Variants in FKTN observed in about 807,000 individuals in gnomAD.
The protein encoded by FKTN is ribitol-5-phosphate transferase FKTN.
FKTN carries 47 observed loss-of-function variants against 58.6 expected under a neutral mutation model. The ratio of observed to expected loss-of-function variants is 0.80; its 90% confidence interval spans 0.63 to 1.02. The LOEUF (loss-of-function observed/expected upper bound fraction) is 1.02, where lower values mean the gene tolerates loss of function less well. FKTN is among the 50% of genes least tolerant of loss of function. FKTN has a pLI of 0.00. For missense variants in FKTN, 516 were observed against 537.3 expected, an observed-to-expected ratio of 0.96 and a Z score of 0.39; for synonymous variants, 178 against 191.9, an observed-to-expected ratio of 0.93 and a Z score of 0.60.
At chr9:105,578,379 AG>A (rs1350151979) in intron 3 of FKTN, among the ~76,000 whole-genome samples, 3 of 140,200 alleles carry the variant, frequency 2.1e-5, no homozygotes, top group African/African-American at 5.4e-5. Context: ...TTTAGCATGA[AG>A]GGTTGTTGAA....
At chr9:105,631,061 A>G (rs552184318) in intron 10 of FKTN, among the ~76,000 whole-genome samples, 8 of 152,250 alleles carry the variant, frequency 5.3e-5, no homozygotes, top group African/African-American at 1.9e-4. Flanking sequence ...TGAACCCGAG[A>G]GGTGGAGGTT....
chr9:105,592,229 G>T (rs1386916610), intron 3 of FKTN, among the ~76,000 whole-genome samples: 1 of 152,168 alleles, frequency 6.6e-6, no homozygotes, highest in Admixed American at 6.5e-5. Context: ...TTCCAAACAT[G>T]TATGCCCTGC....
rs2133098060 is a variant in FKTN, at chr9:105,615,268, A to C, written c.781-10A>C. On this transcript the variant is annotated splice_polypyrimidine_tract_variant and intron_variant, in intron 7 of 10. Transcript: ENST00000357998. ...TGGCTGTAATAGCTGACTATTTATTATATCTGTAGCAGTACCTTGATGATA... is the reference window on the plus strand; with the variant it reads ...TGGCTGTAATAGCTGACTATTTATTCTATCTGTAGCAGTACCTTGATGATA... The C allele has an allele frequency of 6.2e-7, 1 of 1,613,564 alleles. No homozygotes were observed. Among genetic ancestry groups the C allele is most frequent in the Non-Finnish European group, 8.5e-7 (1 of 1,179,480 alleles).
At chr9:105,622,582 A>G (rs1832154231) in intron 10 of FKTN, among the ~76,000 whole-genome samples, 1 of 152,000 alleles carries the variant, frequency 6.6e-6, no homozygotes, top group African/African-American at 2.4e-5. Flanking sequence ...ACCTCCAGTT[A>G]GACATTAGGA....
chr9:105,635,749 A>G lies in FKTN; in HGVS notation c.*485A>G. 9.9e-7 allele frequency: 1 copy of G among 1,013,326 alleles called. No homozygotes were observed. The highest frequency in any genetic ancestry group is 1.7e-5 in the African/African-American group (1 of 57,858). 62.8% of individuals were successfully genotyped at this position (1,013,326 alleles called of 1,614,324 possible). On this transcript the variant is annotated 3_prime_UTR_variant, in exon 11 of 11. Transcript: ENST00000357998. ...GATTGTGGAGTCTGAGTTAATATTC[A>G]AGTGATCAGACTTTGAGTGACATCA...
chr9:105,590,429 C>T (rs987635348), intron 3 of FKTN, among the ~76,000 whole-genome samples: 15 of 152,046 alleles, frequency 9.9e-5, no homozygotes, highest in African/African-American at 3.4e-4. Flanking sequence ...TTATCAGCAA[C>T]GTGAAAATGG....
At chr9:105,568,916 T>C (rs1840212709) in intron 1 of FKTN, among the ~76,000 whole-genome samples, 1 of 152,124 alleles carries the variant, frequency 6.6e-6, no homozygotes, top group African/African-American at 2.4e-5. Flanking sequence ...TAGACCGGAT[T>C]AAGAAAATGT....
rs1458298339 is a variant in FKTN at position 105,635,894 on chromosome 9, A to G, written c.*630A>G. On this transcript the variant is annotated 3_prime_UTR_variant, in exon 11 of 11. Coordinates refer to ENST00000357998, the MANE Select transcript of FKTN (RefSeq NM_001079802.2). ...TTTGTATCAGAGCTTATTACTTGTC[A>G]GGATAAGTAAATTTCTGTACATGTA... 2 of 988,856 alleles carry G rather than the reference A, an allele frequency of 2.0e-6. No individual in the cohort carries two copies. The highest frequency in any genetic ancestry group is 2.2e-4 in the East Asian group (2 of 8,956). 61.3% of individuals were successfully genotyped at this position (988,856 alleles called of 1,614,324 possible).
At chr9:105,609,426 C>A (rs924551798) in intron 7 of FKTN, among the ~76,000 whole-genome samples, 1 of 151,988 alleles carries the variant, frequency 6.6e-6, no homozygotes, top group African/African-American at 2.4e-5. Flanking sequence ...TAGGAACATT[C>A]TCTACATGTC....
chr9:105,607,702 G>A, intron 6 of FKTN, 117 bp from the exon 7 acceptor site: 1 of 850,246 alleles, frequency 1.2e-6, no homozygotes, highest in Non-Finnish European at 2.0e-6. Flanking sequence ...GTAGTTTGCT[G>A]CACCTATCAA....
chr9:105,588,140 T>C (rs1844234699), intron 3 of FKTN, among the ~76,000 whole-genome samples: 1 of 152,230 alleles, frequency 6.6e-6, no homozygotes. Flanking sequence ...GGATACTGCA[T>C]TTCAAAAATG....
chr9:105,610,377 T>C (rs1254299588), intron 7 of FKTN, among the ~76,000 whole-genome samples: 1 of 152,044 alleles, frequency 6.6e-6, no homozygotes, highest in African/African-American at 2.4e-5. Context: ...TGAATTCACA[T>C]TGACATCTCC....
In FKTN at chr9:105,561,091, CAA is replaced by C. The variant is rs533709834; in HGVS notation, c.-181+2936_-181+2937del. On this transcript the variant is annotated intron_variant, in intron 1 of 10. Transcript: ENST00000357998. Reference sequence around the variant, plus strand: ...CAGAGCAAGAATCCGTCTCAAAAAACAAAAAAAAAAACAAAACAAAAAACAAA... The same window carrying C: ...CAGAGCAAGAATCCGTCTCAAAAAACAAAAAAAAACAAAACAAAAAACAAA... Among the ~76,000 whole-genome samples, 1,357 of 136,674 alleles carry C rather than the reference CAA, an allele frequency of 9.9e-3. 20 individuals carry two copies. Among genetic ancestry groups the C allele is most frequent in the African/African-American group, 0.034 (1,298 of 38,048 alleles). The allele number at this position is 136,674 out of a possible 152,430, so 89.7% of individuals were successfully genotyped here.
chr9:105,561,103 CAAAACAA>C (rs1838222870), intron 1 of FKTN, among the ~76,000 whole-genome samples: 1 of 149,578 alleles, frequency 6.7e-6, no homozygotes, highest in Non-Finnish European at 1.5e-5. Flanking sequence ...AAAAAAAAAA[CAAAACAA>C]AAAACAAACT....
chr9:105,584,998 A>T (rs1232702052), intron 3 of FKTN, among the ~76,000 whole-genome samples: 6 of 152,182 alleles, frequency 3.9e-5, no homozygotes, highest in African/African-American at 1.2e-4. Flanking sequence ...CTTCCTGCCC[A>T]ATATTTATAA....
In FKTN at chr9:105,607,953, T is replaced by C. The variant is rs1588136441; in HGVS notation, c.780+2T>C. 1 of 1,610,426 alleles carries C rather than the reference T, an allele frequency of 6.2e-7. No homozygotes were observed. On this transcript the variant is annotated splice_donor_variant, in intron 7 of 10. Transcript: ENST00000357998. LOFTEE classifies it high-confidence loss of function. ...AAAGAAGCTCGAGCATTCTTTCAGG[T>C]TAGAGACAACCAAATGTGTACTTTT...
At chr9:105,566,880 G>A (rs548928286) in intron 1 of FKTN, among the ~76,000 whole-genome samples, 3 of 152,196 alleles carry the variant, frequency 2.0e-5, no homozygotes, top group East Asian at 3.9e-4. Context: ...GATGAACATC[G>A]ATGCAAAAAT....
chr9:105,575,038 T>G lies in FKTN; in HGVS notation c.6T>G (p.Ser2Arg), dbSNP rs1350049256. 3 of 1,578,358 alleles carry G rather than the reference T, an allele frequency of 1.9e-6. No homozygotes were observed. The African/African-American group carries it at 4.0e-5, about 21-fold the overall frequency. M[S>R]RINKNVVLAL... is the part of the protein sequence containing the mutation. ...CAAGTGAGCAGCACAGACTAATGAGTAGAATCAATAAGAACGTGGTTTTGG... is the reference window on the plus strand; with the variant it reads ...CAAGTGAGCAGCACAGACTAATGAGGAGAATCAATAAGAACGTGGTTTTGG... Residue 2 changes from serine (S) to arginine (R), a missense_variant, in exon 3 of 11, where the codon AGT becomes AGG. Physicochemically the swap from Ser to Arg is moderately radical, Grantham distance 110 (BLOSUM62 -1). Transcript: ENST00000357998.
At chr9:105,626,978 A>C (rs914755419) in intron 10 of FKTN, among the ~76,000 whole-genome samples, 84 of 113,040 alleles carry the variant, frequency 7.4e-4, no homozygotes, top group Non-Finnish European at 1.1e-3. Flanking sequence ...TTTCTTCTTT[A>C]TTCTTTTTTT....
Sources: gnomAD v4.1 joint callset for allele counts (sites outside exome capture counted in the v4.1 genomes callset) on GRCh38, gnomAD v4.1.1 for gene constraint, MANE v1.5 for transcripts, NCBI Gene and HGNC (gene_info 2026-07-23, HGNC 2026-07-21) for gene names.